The following FDFT1 variants were observed in gnomAD, a reference collection of about 807,000 sequenced individuals.
The protein encoded by FDFT1 is farnesyl-diphosphate farnesyltransferase 1, also known as squalene synthase.
A neutral mutation model predicts 46.8 loss-of-function variants in FDFT1; 68 were observed. The ratio of observed to expected loss-of-function variants is 1.45; its 90% confidence interval spans 1.19 to 1.78. The LOEUF (loss-of-function observed/expected upper bound fraction) is 1.78, where lower values mean the gene tolerates loss of function less well. FDFT1 is among the 40% of genes most tolerant of loss of function. The pLI is 0.00. For missense variants in FDFT1, 928 were observed against 524.4 expected (o/e 1.77, Z -7.52); for synonymous variants, 351 against 185.1 (o/e 1.90, Z -7.28).
At chr8:11,802,567 G>C (rs1418333054), upstream of FDFT1, 7 of 608,608 alleles carry the variant, frequency 1.2e-5, no homozygotes, top group African/African-American at 1.3e-4. Context: ...GTCTCCTTCC[G>C]CGACTGATTG....
chr8:11,825,948 G>C, intron 4 of FDFT1, 76 bp from the exon 5 acceptor site: 1 of 1,013,574 alleles, frequency 9.9e-7, no homozygotes, highest in Non-Finnish European at 1.4e-6. Flanking sequence ...CTGCTTTTTT[G>C]TAGCTAATGA....
intron 7 of FDFT1, among the ~76,000 whole-genome samples, chr8:11,833,866 G>C (rs10091427): frequency 6.6e-6 from 1 of 152,240 alleles, no homozygotes; most frequent in Non-Finnish European, 1.5e-5. Flanking sequence ...CATTAGGGGA[G>C]AAATGTTAAT....
At chr8:11,801,537 C>CT (rs1806117106), upstream of FDFT1, among the ~76,000 whole-genome samples, 1 of 152,160 alleles carries the variant, frequency 6.6e-6, no homozygotes, top group Non-Finnish European at 1.5e-5. Flanking sequence ...CCAGGCTGGT[C>CT]TTGAACTCCA....
intron 1 of FDFT1, among the ~76,000 whole-genome samples, chr8:11,804,866 C>T (rs572772726): frequency 1.3e-5 from 2 of 151,050 alleles, no homozygotes; most frequent in South Asian, 4.2e-4. Flanking sequence ...GCCTTGGTCT[C>T]CCAAAGTGCT....
At position 11,808,878 on chromosome 8, in the gene FDFT1, G is replaced by A; in HGVS notation, c.184G>A (p.Asp62Asn). 6.2e-7 allele frequency: 1 copy of A among 1,613,844 alleles called. No individual in the cohort carries two copies. The highest frequency in any genetic ancestry group is 1.1e-5 in the South Asian group (1 of 90,950). ...TTTCGCAGCTGTTATCCAGGCGCTG[G>A]ATGGGGAAATGCGGTGAGTGATGGA... ...RSFAAVIQAL[D>N]GEMRNAVCIF... Residue 62 changes from aspartate to asparagine, a missense_variant, in exon 2 of 8, where the codon GAT becomes AAT. Transcript: ENST00000220584.
chr8:11,830,555 T>A, intron 6 of FDFT1, 135 bp downstream of exon 6: 1 of 657,418 alleles, frequency 1.5e-6, no homozygotes, highest in South Asian at 1.9e-5. Context: ...ACGCTGGGAG[T>A]TTCATAGCAC....
At chr8:11,818,489 A>G (rs1476434262) in intron 3 of FDFT1, among the ~76,000 whole-genome samples, 1 of 152,116 alleles carries the variant, frequency 6.6e-6, no homozygotes, top group African/African-American at 2.4e-5. Context: ...TAATAATGAG[A>G]GACTTTAAGT....
intron 7 of FDFT1, among the ~76,000 whole-genome samples, chr8:11,834,314 C>A (rs1263964805): frequency 1.3e-5 from 2 of 152,228 alleles, no homozygotes; most frequent in African/African-American, 4.8e-5. Context: ...AGCCTGGATG[C>A]TTGTCAGCTG....
Position 11,838,560 on chromosome 8 carries a change from C to A in FDFT1, c.1205C>A (p.Thr402Asn). 2 of 1,613,592 alleles carry A rather than the reference C, an allele frequency of 1.2e-6. No individual in the cohort carries two copies. Among genetic ancestry groups the A allele is most frequent in the Non-Finnish European group, 8.5e-7 (1 of 1,179,808 alleles). Residue 402 changes from threonine (T) to asparagine (N), a missense_variant, in exon 8 of 8, where the codon ACC (threonine) becomes AAC (asparagine). Coordinates refer to ENST00000220584, the MANE Select transcript of FDFT1 (RefSeq NM_004462.5). ...GCTGCCCTGAGCTGGCAGTACCTGA[C>A]CACTCTCTCCCAGGTAACAGAAGAC... ...LLAALSWQYL[T>N]TLSQVTEDYV...
upstream of FDFT1, among the ~76,000 whole-genome samples, chr8:11,797,749 C>G (rs147657221): frequency 7.6e-4 from 115 of 152,132 alleles, 1 homozygote; most frequent in East Asian, 0.021. Context: ...CAGATTCCAC[C>G]TGAGCTGTAA....
chr8:11,814,094 C>T lies in FDFT1; in HGVS notation c.381+4244C>T, dbSNP rs374390681. On this transcript the variant is annotated intron_variant, in intron 3 of 7. Coordinates refer to ENST00000220584, the MANE Select transcript of FDFT1 (RefSeq NM_004462.5). ...CTCCTTCCCACCCTCATTGACCTTT[C>T]CTCTCTAATAAATAGAACTGGTCTA... is the stretch of plus-strand genomic sequence containing the variant. 1.2e-4 allele frequency among the ~76,000 whole-genome samples: 18 copies of T among 152,290 alleles called. No homozygotes were observed. In the East Asian group the frequency reaches 2.7e-3, roughly 23 times the overall value.
intron 1 of FDFT1, among the ~76,000 whole-genome samples, chr8:11,805,899 G>A (rs772876230): frequency 6.6e-6 from 1 of 152,156 alleles, no homozygotes; most frequent in African/African-American, 2.4e-5. Flanking sequence ...GACCTTAAAG[G>A]GTTGATTGAG....
intron 2 of FDFT1, 147 bp downstream of exon 2, chr8:11,809,038 A>G: frequency 7.3e-7 from 1 of 1,367,236 alleles, no homozygotes; most frequent in Non-Finnish European, 9.7e-7. Context: ...CTACGTGTTT[A>G]CTTTAGAAAG....
chr8:11,807,444 T>C (rs534273735), intron 1 of FDFT1, among the ~76,000 whole-genome samples: 1 of 152,282 alleles, frequency 6.6e-6, no homozygotes, highest in Non-Finnish European at 1.5e-5. Context: ...ATTATAGGCG[T>C]GCGCCACTGC....
upstream of FDFT1, among the ~76,000 whole-genome samples, chr8:11,800,923 A>G (rs911602606): frequency 3.3e-5 from 5 of 152,144 alleles, no homozygotes; most frequent in Non-Finnish European, 5.9e-5. Flanking sequence ...GTCCAGTGGT[A>G]GGGACTTAGG....
chr8:11,826,483 A>G (rs1248524580), intron 5 of FDFT1, among the ~76,000 whole-genome samples: 1 of 152,160 alleles, frequency 6.6e-6, no homozygotes, highest in Non-Finnish European at 1.5e-5. Context: ...ATATGGTAAC[A>G]ACCCATGTGC....
intron 7 of FDFT1, 53 bp from the exon 8 acceptor site, chr8:11,838,335 A>G: frequency 7.1e-7 from 1 of 1,400,630 alleles, no homozygotes; most frequent in Non-Finnish European, 1.0e-6. Flanking sequence ...GTAAGTAGCC[A>G]TGGAAAATGT....
At chr8:11,802,736 C>T (rs942215417), upstream of FDFT1, 9 of 927,572 alleles carry the variant, frequency 9.7e-6, no homozygotes, top group East Asian at 7.9e-5. Flanking sequence ...TCCGGCCAGC[C>T]CCTCGAAGCA....
In FDFT1 at chr8:11,821,424, C is replaced by G. The variant is rs190080348; in HGVS notation, c.382-326C>G. ...TGGCCAACATGGTGAAACCCCACTT[C>G]TACTAAAAATATAAAAATTAGCTGG... is the stretch of plus-strand genomic sequence containing the variant. On this transcript the variant is annotated intron_variant, in intron 3 of 7. Coordinates refer to ENST00000220584, the MANE Select transcript of FDFT1 (RefSeq NM_004462.5). Among the ~76,000 whole-genome samples, 8 of 152,280 alleles carry G rather than the reference C, an allele frequency of 5.3e-5. 1 individual carries two copies. In the South Asian group the frequency reaches 1.7e-3, roughly 32 times the overall value.
Sources: allele counts gnomAD v4.1 joint callset (sites outside exome capture counted in the v4.1 genomes callset), GRCh38; gene constraint gnomAD v4.1.1; transcripts MANE v1.5; gene names NCBI Gene and HGNC (gene_info 2026-07-23, HGNC 2026-07-21).